Variants in ABCA4 observed in about 807,000 individuals in gnomAD.
ABCA4 encodes the protein ATP binding cassette subfamily A member 4.
Under a neutral mutation model 263.7 loss-of-function variants are expected in ABCA4, and 196 were observed. The observed-to-expected ratio is 0.74, with a 90% CI of 0.66 to 0.84. The LOEUF is 0.84. Ranked by LOEUF, ABCA4 falls within the 40% of genes least tolerant of loss-of-function variation. The pLI is 0.00. For missense variants in ABCA4, 2,792 were observed against 2,855.1 expected, an observed-to-expected ratio of 0.98 and a Z score of 0.50; for synonymous variants, 1,133 against 1,094.2, an observed-to-expected ratio of 1.04 and a Z score of -0.70.
At position 94,029,527 on chromosome 1, in the gene ABCA4, G is replaced by A. The variant is rs61750145; in HGVS notation, c.4457C>T (p.Pro1486Leu). 61 of 1,610,682 alleles carry A rather than the reference G, an allele frequency of 3.8e-5. No homozygotes were observed. In the Admixed American group the frequency reaches 6.5e-4, roughly 17 times the overall value. ...CTCCCTGGTGCTGCACCTGCAGGAT[G>A]GTGAAGGGTTGACCTGTGTCCATTT... ...KQKWTQVNPS[P>L]SCRCSTREKL... Residue 1486 changes from proline (P) to leucine (L), a missense_variant, in exon 30 of 50, where the codon CCA becomes CTA. Coordinates refer to ENST00000370225, the MANE Select transcript of ABCA4 (RefSeq NM_000350.3).
chr1:94,048,829 T>A (rs1167870637), intron 18 of ABCA4, 39 bp downstream of exon 18: 3 of 1,602,962 alleles, frequency 1.9e-6, no homozygotes, highest in East Asian at 4.5e-5. Context: ...TTAGAGCCTT[T>A]TCCTCGCCTC....
intron 23 of ABCA4, among the ~76,000 whole-genome samples, chr1:94,040,857 A>G (rs1050037635): frequency 3.3e-5 from 5 of 152,144 alleles, no homozygotes; most frequent in African/African-American, 1.2e-4. Context: ...TTCAGGTTTA[A>G]TTAGGGAATA....
chr1:94,096,793 C>T (rs1662132722), intron 6 of ABCA4, among the ~76,000 whole-genome samples: 1 of 152,140 alleles, frequency 6.6e-6, no homozygotes, highest in African/African-American at 2.4e-5. Context: ...TACTGGTGGC[C>T]AAGGTGCTTC....
chr1:94,003,601 TC>T (rs1353096924), intron 44 of ABCA4, among the ~76,000 whole-genome samples: 1 of 152,166 alleles, frequency 6.6e-6, no homozygotes, highest in African/African-American at 2.4e-5. Context: ...CAATAAGCAA[TC>T]TGTACAGAGT....
At chr1:94,043,542 G>A in intron 20 of ABCA4, 67 bp from the exon 21 acceptor site, 7 of 1,597,108 alleles carry the variant, frequency 4.4e-6, no homozygotes, top group Non-Finnish European at 6.0e-6. Flanking sequence ...TGATCTTACA[G>A]AAATAATTGA....
intron 32 of ABCA4, among the ~76,000 whole-genome samples, 157 bp downstream of exon 32, chr1:94,023,228 TC>T (rs1279221626): frequency 6.6e-6 from 1 of 152,172 alleles, no homozygotes; most frequent in Admixed American, 6.5e-5. Flanking sequence ...GTCTGGGATG[TC>T]CCTAGCCACA....
chr1:94,041,502 C>A (rs1660486927), intron 22 of ABCA4, 100 bp from the exon 23 acceptor site: 1 of 1,264,166 alleles, frequency 7.9e-7, no homozygotes, highest in Non-Finnish European at 1.1e-6. Flanking sequence ...TTGCAAAAAT[C>A]AGGAGTTAAC....
chr1:94,077,434 A>C (rs1661565246), intron 11 of ABCA4, among the ~76,000 whole-genome samples: 1 of 152,182 alleles, frequency 6.6e-6, no homozygotes. Context: ...ACAGATGCTT[A>C]AAGGGGGCTA....
chr1:94,089,087 C>T (rs535182067), intron 6 of ABCA4, among the ~76,000 whole-genome samples: 1 of 152,364 alleles, frequency 6.6e-6, no homozygotes, highest in East Asian at 1.9e-4. Flanking sequence ...AACTCCACCA[C>T]ACATCACATG....
At chr1:94,014,505 T>C in intron 38 of ABCA4, 38 bp downstream of exon 38, 5 of 1,610,728 alleles carry the variant, frequency 3.1e-6, no homozygotes, top group Non-Finnish European at 4.2e-6. Context: ...TCTACTATCC[T>C]ACTAATCAAA....
At chr1:94,051,509 G>A (rs1660838413) in intron 17 of ABCA4, 124 bp downstream of exon 17, 3 of 863,006 alleles carry the variant, frequency 3.5e-6, no homozygotes, top group Non-Finnish European at 5.8e-6. Flanking sequence ...AGCCCCAGGA[G>A]GCAGCTGACT....
intron 37 of ABCA4, among the ~76,000 whole-genome samples, 199 bp from the exon 38 acceptor site, chr1:94,014,889 A>G (rs970085913): frequency 6.6e-6 from 1 of 152,176 alleles, no homozygotes; most frequent in Non-Finnish European, 1.5e-5. Flanking sequence ...TGCCTTGACC[A>G]CTTCATGGGG....
chr1:94,020,754 T>G (rs1271734868), intron 35 of ABCA4, among the ~76,000 whole-genome samples: 1 of 152,206 alleles, frequency 6.6e-6, no homozygotes, highest in Admixed American at 6.5e-5. Context: ...GTGAACATAC[T>G]ACAAAACGCA....
chr1:94,052,841 G>T (rs1660875097), intron 16 of ABCA4, among the ~76,000 whole-genome samples: 1 of 152,158 alleles, frequency 6.6e-6, no homozygotes, highest in Non-Finnish European at 1.5e-5. Flanking sequence ...AGAAAGGAGT[G>T]TCTTTTTTTA....
Position 94,021,413 on chromosome 1 carries a change from G to A in ABCA4, c.4849-4C>T, listed in dbSNP as rs767497738. On this transcript the variant is annotated splice_polypyrimidine_tract_variant and splice_region_variant and intron_variant, in intron 34 of 49. Coordinates refer to ENST00000370225, the MANE Select transcript of ABCA4 (RefSeq NM_000350.3). ...AGCCTTTGTTATTAAACCACACCTA[G>A]AGGGTGGAGAGGACATCTGAGACGC... is the stretch of plus-strand genomic sequence containing the variant. The A allele has an allele frequency of 2.5e-6, 4 of 1,614,210 alleles. No individual in the cohort carries two copies. Among genetic ancestry groups the A allele is most frequent in the Non-Finnish European group, 3.4e-6 (4 of 1,180,024 alleles).
intron 5 of ABCA4, among the ~76,000 whole-genome samples, chr1:94,100,893 C>T (rs1398172625): frequency 6.6e-6 from 1 of 152,170 alleles, no homozygotes; most frequent in African/African-American, 2.4e-5. Flanking sequence ...TAAGGAGCCC[C>T]GGAACTGGAT....
rs558515443 is a variant in ABCA4 at position 94,119,528 on chromosome 1, C to T, written c.66+1452G>A. ...CTGCCAGGGCTTTCTCCTCAGGGGT[C>T]CAGACCCGAGGTCAGGTTCAGAGAT... On this transcript the variant is annotated intron_variant, in intron 1 of 49. Transcript: ENST00000370225. 6.8e-4 allele frequency among the ~76,000 whole-genome samples: 103 copies of T among 152,282 alleles called. 2 individuals carry two copies. The highest frequency in any genetic ancestry group is 2.2e-3 in the African/African-American group (91 of 41,564).
In ABCA4 at chr1:94,014,612, A is replaced by G. The variant is rs147187030; in HGVS notation, c.5391T>C (p.Cys1797=). ...TGTTGATGCCGATGAACAGATTAGCACAAGATAAAGCCACATAGGCTGTGC... is the reference window on the plus strand; with the variant it reads ...TGTTGATGCCGATGAACAGATTAGCGCAAGATAAAGCCACATAGGCTGTGC... ...VPSTAYVALS[C]ANLFIGINSS... is the part of the protein sequence containing the mutation. Residue 1797 remains cysteine, a synonymous_variant, in exon 38 of 50, where the codon TGT becomes TGC. Transcript: ENST00000370225. 9.7e-5 allele frequency: 156 copies of G among 1,614,252 alleles called. 1 individual carries two copies. In the African/African-American group the frequency reaches 1.9e-3, roughly 19 times the overall value.
rs2101143851 is a variant in ABCA4, at chr1:94,103,116, A to G, written c.469T>C (p.Leu157=). ...AGTGTCAGTGTTTCTTCATCTTTCA[A>G]GATATCCCTTATTCGTATTCCTCTT... ...AGRGIRIRDI[L]KDEETLTLFL... is the part of the protein sequence containing the mutation. Residue 157 remains leucine, a synonymous_variant, in exon 5 of 50, where the codon TTG becomes CTG. Transcript: ENST00000370225. 2 of 1,614,146 alleles carry G rather than the reference A, an allele frequency of 1.2e-6. No individual in the cohort carries two copies. The highest frequency in any genetic ancestry group is 8.5e-7 in the Non-Finnish European group (1 of 1,179,998).
Sources: gnomAD v4.1 joint callset for allele counts (sites outside exome capture counted in the v4.1 genomes callset) on GRCh38, gnomAD v4.1.1 for gene constraint, MANE v1.5 for transcripts, NCBI Gene and HGNC (gene_info 2026-07-23, HGNC 2026-07-21) for gene names.